Variants in MTMR10 observed in about 807,000 individuals in gnomAD.
MTMR10 encodes myotubularin related protein 10, also known as myotubularin-related protein 10.
In MTMR10, 56 loss-of-function variants were observed where a neutral mutation model predicts 88.1. That is an observed-to-expected ratio of 0.64 (90% CI 0.51 to 0.79). MTMR10 has a LOEUF of 0.79. Among genes scored for constraint, MTMR10 ranks in the 30% least tolerant of loss-of-function variants. MTMR10 has a pLI of 0.00. For synonymous variants in MTMR10, 380 were observed against 340.9 expected, an observed-to-expected ratio of 1.11 and a Z score of -1.26; for missense variants, 883 against 924.7, an observed-to-expected ratio of 0.95 and a Z score of 0.58.
intron 1 of MTMR10, 139 bp from the exon 2 acceptor site, chr15:30,990,976 G>T (rs377629250): frequency 4.2e-6 from 3 of 718,270 alleles, no homozygotes; most frequent in Admixed American, 5.9e-5. Context: ...CATATTAACT[G>T]AGCTGTTTTT....
chr15:30,960,721 A>G (rs1009632499), intron 7 of MTMR10, among the ~76,000 whole-genome samples, 160 bp downstream of exon 7: 1 of 152,232 alleles, frequency 6.6e-6, no homozygotes, highest in African/African-American at 2.4e-5. Context: ...ATTTATATTA[A>G]TAAGCCTTGA....
At chr15:30,946,682 C>G in intron 14 of MTMR10, 1 of 698,334 alleles carries the variant, frequency 1.4e-6, no homozygotes, top group East Asian at 2.7e-5. Flanking sequence ...TGAGACCCTG[C>G]TTAGTCATAA....
At chr15:30,968,166 T>A in intron 5 of MTMR10, 156 bp from the exon 6 acceptor site, 1 of 480,134 alleles carries the variant, frequency 2.1e-6, no homozygotes, top group Non-Finnish European at 3.6e-6. Flanking sequence ...AAGAGCTCCT[T>A]AAGGCCAGGT....
rs574422922 is a variant in MTMR10 at position 30,975,500 on chromosome 15, G to A, written c.259-497C>T. Among the ~76,000 whole-genome samples the A allele has an allele frequency of 7.4e-4, 113 of 152,282 alleles. 1 individual carries two copies. The highest frequency in any genetic ancestry group is 2.6e-3 in the African/African-American group (107 of 41,562). ...GGCACTGGTTTACTTTTTCCTAATA[G>A]TGGTACTGGATTTAAGCTGTTCCAG... is the stretch of plus-strand genomic sequence containing the variant. On this transcript the variant is annotated intron_variant, in intron 3 of 15. Coordinates refer to ENST00000435680, the MANE Select transcript of MTMR10 (RefSeq NM_017762.3).
rs190608427 is a variant in MTMR10, at chr15:30,941,079, A to G, written c.*391T>C. 7.1e-5 allele frequency: 86 copies of G among 1,209,844 alleles called. No homozygotes were observed. In the Middle Eastern group the frequency reaches 9.2e-4, roughly 13 times the overall value. The allele number at this position is 1,209,844 out of a possible 1,614,324, so 74.9% of individuals were successfully genotyped here. A position where few individuals can be genotyped will look rare whatever the true frequency, so the allele number is the denominator to read the frequency against. On this transcript the variant is annotated 3_prime_UTR_variant, in exon 16 of 16. Transcript: ENST00000435680. ...TAAAACCTGCTGGAGGTTTTATCAG[A>G]TGCTCCTAAAAATGACACGAAACAC... is the stretch of plus-strand genomic sequence containing the variant.
At chr15:30,967,680 A>G (rs1408766630) in intron 6 of MTMR10, among the ~76,000 whole-genome samples, 1 of 152,164 alleles carries the variant, frequency 6.6e-6, no homozygotes, top group Non-Finnish European at 1.5e-5. Flanking sequence ...ACTGGAGATT[A>G]AATATCTGAC....
At chr15:30,944,629 T>C (rs1435145141) in intron 14 of MTMR10, among the ~76,000 whole-genome samples, 2 of 151,042 alleles carry the variant, frequency 1.3e-5, no homozygotes, top group African/African-American at 2.4e-5. Flanking sequence ...TTAAAAACAA[T>C]CCATTTGCTT....
downstream of MTMR10, chr15:30,937,247 C>G: frequency 6.2e-7 from 1 of 1,612,706 alleles, no homozygotes; most frequent in Non-Finnish European, 8.5e-7. Context: ...AGAGCCAAAG[C>G]CTTAGCTAAA....
At chr15:30,929,791 T>TATAA in the MTMR10 span, among the ~76,000 whole-genome samples, 1 of 48,692 alleles carries the variant, frequency 2.1e-5, no homozygotes, top group African/African-American at 9.8e-5. Context: ...ATATCATATA[T>TATAA]AATATAATAT....
Position 30,946,734 on chromosome 15 carries a change from G to A in MTMR10, c.1548+396C>T, listed in dbSNP as rs1481002365. ...AATTGTGACCAGAAACTTCAAACTC[G>A]TGAAGGAAAATAATCTTGTTTTGTA... On this transcript the variant is annotated intron_variant, in intron 14 of 15. Transcript: ENST00000435680. 6 of 702,824 alleles carry A rather than the reference G, an allele frequency of 8.5e-6. 1 individual carries two copies. The highest frequency in any genetic ancestry group is 2.7e-5 in the East Asian group (1 of 37,278). 43.5% of individuals were successfully genotyped at this position (702,824 alleles called of 1,614,324 possible).
At chr15:30,936,508 A>G (rs2062857118), downstream of MTMR10, among the ~76,000 whole-genome samples, 1 of 152,210 alleles carries the variant, frequency 6.6e-6, no homozygotes, top group Non-Finnish European at 1.5e-5. Context: ...TTGCTATACT[A>G]AGAATCAGTT....
At chr15:30,956,817 C>T (rs2063334026) in intron 9 of MTMR10, among the ~76,000 whole-genome samples, 1 of 152,224 alleles carries the variant, frequency 6.6e-6, no homozygotes, top group African/African-American at 2.4e-5. Context: ...AACAATGCTA[C>T]AATTGTCCCT....
chr15:30,922,162 A>G, the MTMR10 span: 9 of 1,550,872 alleles, frequency 5.8e-6, no homozygotes, highest in South Asian at 8.5e-5. Flanking sequence ...TACCAATCCT[A>G]TGGGCTTGTA....
At chr15:30,942,869 G>C (rs767753890) in intron 15 of MTMR10, 21 bp downstream of exon 15, 2 of 1,546,856 alleles carry the variant, frequency 1.3e-6, no homozygotes, top group Non-Finnish European at 1.7e-6. Context: ...CCAACATCAC[G>C]TTTTGTTAGC....
intron 13 of MTMR10, among the ~76,000 whole-genome samples, chr15:30,947,677 A>G (rs772630670): frequency 6.6e-6 from 1 of 152,242 alleles, no homozygotes; most frequent in Non-Finnish European, 1.5e-5. Context: ...TTGATCCTGT[A>G]GGCTCAGCAT....
At chr15:30,926,908 G>A in the MTMR10 span, 33 of 985,322 alleles carry the variant, frequency 3.3e-5, no homozygotes, top group Non-Finnish European at 3.7e-5. Context: ...TTATGCCACA[G>A]GGAATTTTGT....
the MTMR10 span, among the ~76,000 whole-genome samples, chr15:30,931,153 T>C: frequency 6.6e-6 from 1 of 152,188 alleles, no homozygotes; most frequent in Non-Finnish European, 1.5e-5. Flanking sequence ...CATGCCTGTA[T>C]CAAAACATCT....
rs1347099899 is a variant in MTMR10, at chr15:30,954,796, C to T, written c.1033G>A (p.Ala345Thr). 1.2e-6 allele frequency: 2 copies of T among 1,602,296 alleles called. No homozygotes were observed. The highest frequency in any genetic ancestry group is 1.7e-6 in the Non-Finnish European group (2 of 1,174,244). ...CATAGCTGCTTCAGTTTTACAAATG[C>T]TGCCTGTACTTCTTGAATATTAGGC... ...TLPNIQEVQA[A>T]FVKLKQLCVN... The change falls in exon 10 of 16, where the codon GCA (alanine) becomes ACA (threonine). Residue 345 changes from alanine to threonine, a missense_variant. Coordinates refer to ENST00000435680, the MANE Select transcript of MTMR10 (RefSeq NM_017762.3).
chr15:30,954,766 T>C lies in MTMR10; in HGVS notation c.1063A>G (p.Asn355Asp). The C allele has an allele frequency of 6.3e-7, 1 of 1,595,594 alleles. No individual in the cohort carries two copies. The highest frequency in any genetic ancestry group is 1.1e-5 in the South Asian group (1 of 87,176). ...AFVKLKQLCVNEPFEETEEKW... is the reference protein window; with the variant it reads ...AFVKLKQLCVDEPFEETEEKW... ...TATGAAATAAGAATGAAATTACCATTAACGCATAGCTGCTTCAGTTTTACA... is the reference window on the plus strand; with the variant it reads ...TATGAAATAAGAATGAAATTACCATCAACGCATAGCTGCTTCAGTTTTACA... The change falls in exon 10 of 16, where the codon AAT becomes GAT. Residue 355 changes from asparagine to aspartate, a missense_variant. By Grantham distance (23) the Asn-to-Asp change is conservative. This residue lies in a region of MTMR10 where 414 missense variants were observed against 423.2 expected (regional missense o/e 0.98). Transcript: ENST00000435680.
Sources: gnomAD v4.1 joint callset for allele counts (sites outside exome capture counted in the v4.1 genomes callset) on GRCh38, gnomAD v4.1.1 for gene constraint, gnomAD v4.1.1 regional missense constraint, MANE v1.5 for transcripts, NCBI Gene and HGNC (gene_info 2026-07-23, HGNC 2026-07-21) for gene names.